EPHA6: variants seen among roughly 807,000 people sequenced by gnomAD.
EPHA6 encodes ephrin type-A receptor 6.
EPHA6 carries 50 observed loss-of-function variants against 112.0 expected under a neutral mutation model. The observed-to-expected ratio is 0.45, with a 90% CI of 0.36 to 0.56. The LOEUF (loss-of-function observed/expected upper bound fraction) is 0.56, where lower values mean the gene tolerates loss of function less well. EPHA6 is among the 20% of genes least tolerant of loss of function. EPHA6 has a pLI of 0.00. For missense variants in EPHA6, 1,280 were observed against 1,417.4 expected (o/e 0.90, Z 1.56); for synonymous variants, 529 against 490.7 (o/e 1.08, Z -1.03).
intron 15 of EPHA6, among the ~76,000 whole-genome samples, chr3:97,721,264 T>G (rs752595229): frequency 1.3e-5 from 2 of 152,180 alleles, no homozygotes; most frequent in Non-Finnish European, 2.9e-5. Flanking sequence ...ATCTCATTTA[T>G]TTTTGCCAGT....
intron 3 of EPHA6, among the ~76,000 whole-genome samples, chr3:97,089,846 C>A (rs530503378): frequency 2.0e-5 from 3 of 152,082 alleles, no homozygotes; most frequent in African/African-American, 7.2e-5. Context: ...GTTTTATGAC[C>A]TATCTAGCTT....
chr3:97,118,957 G>A (rs1411480511), intron 3 of EPHA6, among the ~76,000 whole-genome samples: 1 of 151,870 alleles, frequency 6.6e-6, no homozygotes, highest in Non-Finnish European at 1.5e-5. Context: ...TCAGCTTTCT[G>A]GCAGTTTTTT....
intron 13 of EPHA6, among the ~76,000 whole-genome samples, chr3:97,632,004 T>C (rs867195704): frequency 2.6e-5 from 4 of 152,142 alleles, no homozygotes; most frequent in Admixed American, 6.6e-5. Context: ...ATAAGATATT[T>C]AGTTCCCTTT....
chr3:96,905,958 CTCATGTAT>C (rs2038912013), intron 2 of EPHA6, among the ~76,000 whole-genome samples: 1 of 151,988 alleles, frequency 6.6e-6, no homozygotes, highest in South Asian at 2.1e-4. Flanking sequence ...CTCATGTGTA[CTCATGTAT>C]ATGGATTTGT....
chr3:96,841,707 G>T (rs748323723), intron 1 of EPHA6, among the ~76,000 whole-genome samples: 16 of 142,260 alleles, frequency 1.1e-4, no homozygotes, highest in Non-Finnish European at 2.2e-4. Context: ...ATTGTTTTAA[G>T]CATGTTGAAC....
chr3:97,532,493 G>T lies in EPHA6; in HGVS notation c.2336G>T (p.Gly779Val). 1 of 1,612,076 alleles carries T rather than the reference G, an allele frequency of 6.2e-7. No homozygotes were observed. Among genetic ancestry groups the T allele is most frequent in the South Asian group, 1.1e-5 (1 of 90,972 alleles). The change falls in exon 11 of 18, where the codon GGC becomes GTC. Residue 779 changes from glycine to valine, a missense_variant. Gly to Val is a moderately radical substitution (Grantham distance 109). This residue lies in a region of EPHA6 where 878 missense variants were observed against 999.7 expected (regional missense o/e 0.88). Coordinates refer to ENST00000389672, the MANE Select transcript of EPHA6 (RefSeq NM_001080448.3). ...RDFLREASIM[G>V]QFDHPNIIRL... ...TTTCTAAGAGAAGCTAGTATCATGG[G>T]CCAGTTTGACCATCCAAACATCATT...
In EPHA6 at chr3:97,226,400, A is replaced by G. The variant is rs2078358123; in HGVS notation, c.1251A>G (p.Pro417=). The stretch of plus-strand genomic sequence containing the variant: ...GTTATTTCCGAGCTGAAAAAGACCC[A>G]CCTTCTATGGCATGTACCAGTAAGT... ...EKGYFRAEKD[P]PSMACTRPPS... The change falls in exon 4 of 18, where the codon CCA becomes CCG. Residue 417 remains proline (P), a synonymous_variant. Coordinates refer to ENST00000389672, the MANE Select transcript of EPHA6 (RefSeq NM_001080448.3). 1 of 1,613,354 alleles carries G rather than the reference A, an allele frequency of 6.2e-7. No homozygotes were observed.
At chr3:97,625,518 A>C (rs1026055512) in intron 13 of EPHA6, among the ~76,000 whole-genome samples, 3 of 151,662 alleles carry the variant, frequency 2.0e-5, no homozygotes, top group Admixed American at 6.6e-5. Context: ...TCTTGGGTAT[A>C]GTGTGTACTT....
intron 6 of EPHA6, among the ~76,000 whole-genome samples, chr3:97,419,192 A>G (rs561907305): frequency 3.9e-5 from 6 of 152,124 alleles, no homozygotes; most frequent in East Asian, 3.9e-4. Flanking sequence ...AATCCCAGCT[A>G]CTCAGGAGGC....
chr3:97,301,775 A>C (rs1028476408), intron 5 of EPHA6, among the ~76,000 whole-genome samples: 14 of 152,132 alleles, frequency 9.2e-5, no homozygotes, highest in Admixed American at 9.2e-4. Context: ...AGTTCACTTA[A>C]AAACTTGGCC....
intron 1 of EPHA6, among the ~76,000 whole-genome samples, chr3:96,858,112 G>A (rs544812626): frequency 2.0e-4 from 30 of 152,134 alleles, no homozygotes; most frequent in Non-Finnish European, 5.9e-5. Context: ...TTGAATACTC[G>A]TCAAGTGGAT....
intron 11 of EPHA6, among the ~76,000 whole-genome samples, chr3:97,554,732 G>T (rs545769528): frequency 3.9e-4 from 59 of 152,008 alleles, no homozygotes; most frequent in African/African-American, 1.3e-3. Flanking sequence ...ACAGTTCCTT[G>T]TGTCTGTACT....
intron 7 of EPHA6, among the ~76,000 whole-genome samples, chr3:97,469,893 C>T (rs1577498291): frequency 6.6e-6 from 1 of 151,636 alleles, no homozygotes; most frequent in Admixed American, 6.6e-5. Context: ...GCTGAAGCCT[C>T]ACAGTAGGCT....
At chr3:97,110,153 G>A (rs1285827285) in intron 3 of EPHA6, among the ~76,000 whole-genome samples, 1 of 152,048 alleles carries the variant, frequency 6.6e-6, no homozygotes, top group Non-Finnish European at 1.5e-5. Flanking sequence ...ACCATTCTGT[G>A]AAAAAGATGA....
At chr3:96,901,026 A>T (rs2038577571) in intron 2 of EPHA6, among the ~76,000 whole-genome samples, 1 of 152,210 alleles carries the variant, frequency 6.6e-6, no homozygotes, top group African/African-American at 2.4e-5. Flanking sequence ...GGAAGTGGTG[A>T]TCAGTGTTGG....
intron 1 of EPHA6, among the ~76,000 whole-genome samples, chr3:96,856,518 A>C (rs1358904282): frequency 6.6e-6 from 1 of 152,172 alleles, no homozygotes; most frequent in Non-Finnish European, 1.5e-5. Flanking sequence ...AAATTTAGCC[A>C]ATAAAGGATA....
chr3:96,827,770 G>GA (rs2033763233), intron 1 of EPHA6, among the ~76,000 whole-genome samples: 1 of 151,974 alleles, frequency 6.6e-6, no homozygotes, highest in South Asian at 2.1e-4. Flanking sequence ...TTCTTTATTT[G>GA]AAAAAAAGAT....
Position 97,742,356 on chromosome 3 carries a change from G to A in EPHA6, c.3129-5067G>A, listed in dbSNP as rs555397212. Among the ~76,000 whole-genome samples the A allele has an allele frequency of 9.9e-5, 15 of 152,174 alleles. No homozygotes were observed. In the East Asian group the frequency reaches 1.2e-3, roughly 12 times the overall value. On this transcript the variant is annotated intron_variant, in intron 16 of 17. Transcript: ENST00000389672. ...GGTTCAGGGGTCTATTACTCTGGCC[G>A]TAGGAACCATGTGCTGGGTACACTA...
At chr3:97,029,411 G>C (rs765132555) in intron 3 of EPHA6, among the ~76,000 whole-genome samples, 13 of 151,606 alleles carry the variant, frequency 8.6e-5, no homozygotes, top group Non-Finnish European at 1.6e-4. Context: ...TGAGGAAAAG[G>C]CCTAAAATAG....
Sources: allele counts gnomAD v4.1 joint callset (sites outside exome capture counted in the v4.1 genomes callset), GRCh38; gene constraint gnomAD v4.1.1; regional missense constraint gnomAD v4.1.1; transcripts MANE v1.5; gene names NCBI Gene and HGNC (gene_info 2026-07-23, HGNC 2026-07-21).